POLR3A: variants seen among roughly 807,000 people sequenced by gnomAD.
The protein encoded by POLR3A is DNA-directed RNA polymerase III subunit RPC1.
In POLR3A, 112 loss-of-function variants were observed where a neutral mutation model predicts 152.8. The observed-to-expected ratio is 0.73, with a 90% CI of 0.63 to 0.86. The LOEUF is 0.86. Ranked by LOEUF, POLR3A falls within the 40% of genes least tolerant of loss-of-function variation. POLR3A has a pLI of 0.00. For synonymous variants in POLR3A, 615 were observed against 652.1 expected, an observed-to-expected ratio of 0.94 and a Z score of 0.87; for missense variants, 1,385 against 1,743.1, an observed-to-expected ratio of 0.79 and a Z score of 3.66.
chr10:77,989,180 C>T (rs1847224666), intron 21 of POLR3A, among the ~76,000 whole-genome samples: 1 of 152,188 alleles, frequency 6.6e-6, no homozygotes. Context: ...TCAACCCATG[C>T]ATACTAGAGG....
rs1847195350 is a variant in POLR3A, at chr10:77,986,069, T to C, written c.2988+4A>G. The C allele has an allele frequency of 1.3e-6, 2 of 1,586,890 alleles. No homozygotes were observed. Among genetic ancestry groups the C allele is most frequent in the Admixed American group, 1.7e-5 (1 of 59,962 alleles). On this transcript the variant is annotated splice_donor_region_variant and intron_variant, in intron 22 of 30. Coordinates refer to ENST00000372371, the MANE Select transcript of POLR3A (RefSeq NM_007055.4). The stretch of plus-strand genomic sequence containing the variant: ...GGTTCTAACGCGTCTTGGAGGGATA[T>C]TACCTCTGTTGTGCCGTTATCATTG...
At chr10:78,019,870 TAA>T (rs764453901) in intron 8 of POLR3A, 41 of 137,624 alleles carry the variant, frequency 3.0e-4, no homozygotes, top group Non-Finnish European at 3.3e-4. Flanking sequence ...GACCTCAATT[TAA>T]AAAAAAAAAA....
intron 21 of POLR3A, among the ~76,000 whole-genome samples, chr10:77,990,680 C>T (rs905383667): frequency 1.3e-5 from 2 of 150,692 alleles, no homozygotes; most frequent in African/African-American, 2.4e-5. Context: ...GCAGTGGTGC[C>T]ATCCCGGTGT....
chr10:78,001,123 T>C (rs1468155699), intron 17 of POLR3A, 29 bp from the exon 18 acceptor site: 2 of 1,211,420 alleles, frequency 1.7e-6, no homozygotes, highest in African/African-American at 3.0e-5. Flanking sequence ...AATGTAACAT[T>C]CATTTACCAA....
chr10:77,983,816 C>A, intron 26 of POLR3A, 104 bp downstream of exon 26: 1 of 760,134 alleles, frequency 1.3e-6, no homozygotes, highest in South Asian at 1.5e-5. Flanking sequence ...ACAGAAGGTT[C>A]TGCAATGCTT....
chr10:77,984,387 A>C, intron 24 of POLR3A, 89 bp from the exon 25 acceptor site: 1 of 807,396 alleles, frequency 1.2e-6, no homozygotes, highest in Non-Finnish European at 2.2e-6. Context: ...TGCTATTTAG[A>C]ATCATAATGT....
chr10:77,986,622 T>C (rs1847200992), intron 21 of POLR3A, among the ~76,000 whole-genome samples: 1 of 152,230 alleles, frequency 6.6e-6, no homozygotes, highest in Admixed American at 6.5e-5. Flanking sequence ...TTGTTGACAG[T>C]AAATGCATTT....
intron 10 of POLR3A, among the ~76,000 whole-genome samples, chr10:78,017,314 G>A (rs1231975348): frequency 1.3e-5 from 2 of 151,960 alleles, no homozygotes; most frequent in Admixed American, 1.3e-4. Flanking sequence ...AGATTTGGTG[G>A]CACATGTCCG....
intron 20 of POLR3A, among the ~76,000 whole-genome samples, chr10:77,992,105 A>G (rs1263188640): frequency 6.6e-6 from 1 of 152,192 alleles, no homozygotes; most frequent in Non-Finnish European, 1.5e-5. Flanking sequence ...GTTCCAAGTT[A>G]TATTCTCAAA....
chr10:77,996,127 C>A (rs1372221313), intron 19 of POLR3A, among the ~76,000 whole-genome samples: 2 of 151,952 alleles, frequency 1.3e-5, no homozygotes, highest in Non-Finnish European at 2.9e-5. Flanking sequence ...AACAAAGACA[C>A]AACATACCAG....
chr10:77,982,826 T>G lies in POLR3A; in HGVS notation c.3430-9A>C. The G allele has an allele frequency of 6.2e-7, 1 of 1,612,668 alleles. No homozygotes were observed. The highest frequency in any genetic ancestry group is 8.5e-7 in the Non-Finnish European group (1 of 1,178,702). ...ACTGTCTCAGCGTTCACCTGCAACA[T>G]GGCCAGGTGTAGGTGTTACTGATTC... On this transcript the variant is annotated splice_polypyrimidine_tract_variant and intron_variant, in intron 26 of 30. Coordinates refer to ENST00000372371, the MANE Select transcript of POLR3A (RefSeq NM_007055.4).
At chr10:78,013,541 A>G (rs954762842) in intron 11 of POLR3A, 109 bp downstream of exon 11, 2 of 1,125,552 alleles carry the variant, frequency 1.8e-6, no homozygotes, top group African/African-American at 3.1e-5. Flanking sequence ...GAACAGAAAG[A>G]GCCTGGCTTC....
intron 18 of POLR3A, 43 bp downstream of exon 18, chr10:78,000,933 A>G (rs1589309897): frequency 2.0e-6 from 2 of 1,009,374 alleles, no homozygotes. Flanking sequence ...GAAAGTGTAG[A>G]TTAAGAGATC....
At chr10:78,014,034 A>G (rs970511920) in intron 10 of POLR3A, among the ~76,000 whole-genome samples, 1 of 152,100 alleles carries the variant, frequency 6.6e-6, no homozygotes, top group Admixed American at 6.6e-5. Context: ...ACACATGCCT[A>G]TAATCCCAGT....
At chr10:78,019,605 T>C (rs1589317117) in intron 8 of POLR3A, 5 of 357,256 alleles carry the variant, frequency 1.4e-5, no homozygotes, top group Non-Finnish European at 2.7e-5. Flanking sequence ...CTGCAATAAC[T>C]TACTGGGGGC....
intron 10 of POLR3A, among the ~76,000 whole-genome samples, chr10:78,017,242 T>C (rs932716561): frequency 6.6e-5 from 10 of 151,800 alleles, no homozygotes; most frequent in African/African-American, 1.9e-4. Context: ...TTGGGCAATA[T>C]AGTGAGACCC....
At chr10:78,006,302 C>G (rs1476625469) in intron 15 of POLR3A, among the ~76,000 whole-genome samples, 1 of 144,006 alleles carries the variant, frequency 6.9e-6, no homozygotes, top group Non-Finnish European at 1.5e-5. Flanking sequence ...GAGGCTGTGG[C>G]AGGAGAATCA....
chr10:78,013,635 T>G lies in POLR3A; in HGVS notation c.1572+15A>C, dbSNP rs1847488013. The G allele has an allele frequency of 6.2e-7, 1 of 1,613,798 alleles. No individual in the cohort carries two copies. The highest frequency in any genetic ancestry group is 8.5e-7 in the Non-Finnish European group (1 of 1,179,866). On this transcript the variant is annotated intron_variant, in intron 11 of 30. Transcript: ENST00000372371. ...GAGCTGTTATGCAAAAGCTGGGCTGTGCCACCCTACATACCCCCATCAGAA... is the reference window on the plus strand; with the variant it reads ...GAGCTGTTATGCAAAAGCTGGGCTGGGCCACCCTACATACCCCCATCAGAA...
intron 29 of POLR3A, 87 bp from the exon 30 acceptor site, chr10:77,980,360 A>G: frequency 7.6e-7 from 1 of 1,321,708 alleles, no homozygotes; most frequent in South Asian, 1.2e-5. Context: ...CAATACAATC[A>G]ACAAAAATCC....
Sources: allele counts gnomAD v4.1 joint callset (sites outside exome capture counted in the v4.1 genomes callset), GRCh38; gene constraint gnomAD v4.1.1; transcripts MANE v1.5; gene names NCBI Gene and HGNC (gene_info 2026-07-23, HGNC 2026-07-21).